Variants in TLK1 observed in about 807,000 individuals in gnomAD.
TLK1 encodes the protein tousled like kinase 1, also known as serine/threonine-protein kinase tousled-like 1.
In TLK1, 24 loss-of-function variants were observed where a neutral mutation model predicts 105.3. The ratio of observed to expected loss-of-function variants is 0.23; its 90% confidence interval spans 0.17 to 0.32. The LOEUF is 0.32. Ranked by LOEUF, TLK1 falls within the 10% of genes least tolerant of loss-of-function variation. TLK1 has a pLI of 1.00. For missense variants in TLK1, 558 were observed against 910.5 expected (o/e 0.61, Z 4.98); for synonymous variants, 321 against 310.4 (o/e 1.03, Z -0.36).
intron 3 of TLK1, among the ~76,000 whole-genome samples, chr2:171,065,128 T>C (rs1171679356): frequency 2.0e-5 from 3 of 152,088 alleles, no homozygotes; most frequent in Non-Finnish European, 2.9e-5. Context: ...GAAATCAATA[T>C]GAATTATTCC....
intron 6 of TLK1, 30 bp from the exon 7 acceptor site, chr2:171,055,202 GCAA>G: frequency 1.2e-5 from 5 of 420,212 alleles, no homozygotes; most frequent in Admixed American, 1.6e-4. Context: ...TTTTATATTA[GCAA>G]AAAAAAAAAA....
Position 171,160,513 on chromosome 2 carries a change from GC to G in TLK1, c.-86del. ...GGCACCCGCCTCCGTCATGGCGGGG[GC>G]CGCGCTGAGGGCGAGCGAGAGAGCG... On this transcript the variant is annotated 5_prime_UTR_variant, in exon 1 of 21. Transcript: ENST00000431350. The surrounding 1 kb of genome is among the most constrained non-coding windows in gnomAD (Gnocchi z 4.4). 1 of 1,566,668 alleles carries G rather than the reference GC, an allele frequency of 6.4e-7. No individual in the cohort carries two copies.
At chr2:170,998,046 TTATCTATCTATC>T (rs869267964) in intron 18 of TLK1, among the ~76,000 whole-genome samples, 320 of 147,654 alleles carry the variant, frequency 2.2e-3, no homozygotes, top group South Asian at 7.9e-3. Flanking sequence ...CTATCTATCT[TTATCTATCTATC>T]TATCTATCTA....
At chr2:171,010,747 GTTAATAC>G (rs1217319739) in intron 14 of TLK1, among the ~76,000 whole-genome samples, 1 of 152,088 alleles carries the variant, frequency 6.6e-6, no homozygotes, top group East Asian at 1.9e-4. Flanking sequence ...TTCAGGACAT[GTTAATAC>G]TTCAGACATT....
intron 1 of TLK1, among the ~76,000 whole-genome samples, chr2:171,216,412 C>A (rs891495104): frequency 6.6e-6 from 1 of 151,956 alleles, no homozygotes; most frequent in Non-Finnish European, 1.5e-5. Flanking sequence ...GGAGGTGGAG[C>A]TTGCAGTGAG....
chr2:171,076,779 T>C (rs1428372141), intron 3 of TLK1, among the ~76,000 whole-genome samples: 1 of 147,516 alleles, frequency 6.8e-6, no homozygotes, highest in African/African-American at 2.5e-5. Flanking sequence ...CCAGGCGTGG[T>C]GGTGGGCGCT....
chr2:171,012,054 T>C (rs1055042787), intron 13 of TLK1, among the ~76,000 whole-genome samples: 62 of 151,988 alleles, frequency 4.1e-4, no homozygotes, highest in African/African-American at 1.5e-3. Flanking sequence ...GAACCAGAAG[T>C]GTTTCCGATT....
At chr2:171,015,556 T>C (rs1394720494) in intron 12 of TLK1, among the ~76,000 whole-genome samples, 27 of 151,638 alleles carry the variant, frequency 1.8e-4, no homozygotes, top group Admixed American at 1.8e-3. Context: ...CAGATGTAAA[T>C]AAATCTTAAA....
At chr2:171,074,032 A>G (rs1204549210) in intron 3 of TLK1, among the ~76,000 whole-genome samples, 1 of 152,024 alleles carries the variant, frequency 6.6e-6, no homozygotes, top group African/African-American at 2.4e-5. Context: ...CTGGTATTAC[A>G]GGCATGTGCC....
intron 1 of TLK1, among the ~76,000 whole-genome samples, chr2:171,195,513 A>T (rs537880188): frequency 1.3e-5 from 2 of 151,728 alleles, no homozygotes; most frequent in Non-Finnish European, 2.9e-5. Flanking sequence ...AAAAAAAAAA[A>T]AAAAAAAAAC....
At chr2:171,195,518 A>C (rs1016460866) in intron 1 of TLK1, among the ~76,000 whole-genome samples, 36 of 151,844 alleles carry the variant, frequency 2.4e-4, no homozygotes, top group Middle Eastern at 3.4e-3. Context: ...AAAAAAAAAA[A>C]AAAACATAAT....
chr2:171,211,043 C>T (rs190401716), intron 1 of TLK1, among the ~76,000 whole-genome samples: 88 of 152,276 alleles, frequency 5.8e-4, no homozygotes, highest in Non-Finnish European at 1.0e-3. Context: ...ATGATCTTTG[C>T]GGTGACATCC....
intron 1 of TLK1, among the ~76,000 whole-genome samples, chr2:171,131,974 G>C (rs986735555): frequency 1.3e-5 from 2 of 152,054 alleles, no homozygotes; most frequent in African/African-American, 2.4e-5. Context: ...ACTAGCTGAC[G>C]TACTGCTAAA....
intron 1 of TLK1, among the ~76,000 whole-genome samples, chr2:171,135,179 T>C (rs576699064): frequency 2.6e-5 from 4 of 152,198 alleles, no homozygotes; most frequent in African/African-American, 9.6e-5. Context: ...TAGTTAATAA[T>C]GATATATGAC....
At chr2:171,150,221 G>A (rs1691977864) in intron 1 of TLK1, among the ~76,000 whole-genome samples, 1 of 151,858 alleles carries the variant, frequency 6.6e-6, no homozygotes, top group Non-Finnish European at 1.5e-5. Context: ...AAATAATCTG[G>A]CAACATTTAC....
At chr2:171,120,670 T>C (rs548023264) in intron 1 of TLK1, among the ~76,000 whole-genome samples, 1 of 152,306 alleles carries the variant, frequency 6.6e-6, no homozygotes, top group Admixed American at 6.5e-5. Context: ...GTGGAGAAAT[T>C]GGAATCCTTG....
chr2:171,023,967 T>C (rs1685655805), intron 12 of TLK1, among the ~76,000 whole-genome samples: 2 of 152,188 alleles, frequency 1.3e-5, no homozygotes, highest in African/African-American at 4.8e-5. Flanking sequence ...TGGTTTTTGG[T>C]TGGTTTCCTT....
intron 1 of TLK1, among the ~76,000 whole-genome samples, chr2:171,191,406 C>G (rs576198655): frequency 1.3e-4 from 20 of 152,070 alleles, no homozygotes; most frequent in South Asian, 8.3e-4. Context: ...CACCACCCCC[C>G]CCTCTAAAAA....
At chr2:171,219,528 G>A (rs1326358845) in intron 1 of TLK1, among the ~76,000 whole-genome samples, 1 of 152,130 alleles carries the variant, frequency 6.6e-6, no homozygotes. Context: ...CCTCTTTTGG[G>A]TTGCAGACTG....
Sources: allele counts gnomAD v4.1 joint callset (sites outside exome capture counted in the v4.1 genomes callset), GRCh38; gene constraint gnomAD v4.1.1; non-coding constraint Gnocchi (gnomAD v3.1); transcripts MANE v1.5; gene names NCBI Gene and HGNC (gene_info 2026-07-23, HGNC 2026-07-21).